TOPBP1: variants seen among roughly 807,000 people sequenced by gnomAD.
TOPBP1 encodes the protein DNA topoisomerase 2-binding protein 1.
Under a neutral mutation model 167.7 loss-of-function variants are expected in TOPBP1, and 28 were observed. That is an observed-to-expected ratio of 0.17 (90% CI 0.12 to 0.23). The LOEUF is 0.23. TOPBP1 is among the 10% of genes least tolerant of loss of function. TOPBP1 has a pLI of 1.00. For synonymous variants in TOPBP1, 598 were observed against 611.4 expected, an observed-to-expected ratio of 0.98 and a Z score of 0.32; for missense variants, 1,554 against 1,809.6, an observed-to-expected ratio of 0.86 and a Z score of 2.56.
chr3:133,657,441 G>C (rs1200462275), intron 4 of TOPBP1, among the ~76,000 whole-genome samples: 1 of 150,556 alleles, frequency 6.6e-6, no homozygotes, highest in Non-Finnish European at 1.5e-5. Context: ...CAGTGCAGTG[G>C]CGTGATGTTG....
At chr3:133,650,450 C>T (rs1182510057) in intron 8 of TOPBP1, among the ~76,000 whole-genome samples, 2 of 151,924 alleles carry the variant, frequency 1.3e-5, no homozygotes, top group Non-Finnish European at 2.9e-5. Context: ...AATCAATTTT[C>T]TTACCTATAA....
intron 27 of TOPBP1, 134 bp downstream of exon 27, chr3:133,608,392 ACTGAAAGGG>A: frequency 1.2e-6 from 1 of 863,860 alleles, no homozygotes; most frequent in Non-Finnish European, 1.7e-6. Flanking sequence ...ATAGAATAAA[ACTGAAAGGG>A]CTGGAATAGA....
rs552612760 is a variant in TOPBP1, at chr3:133,605,027, C to T, written c.4425+3508G>A. Among the ~76,000 whole-genome samples the T allele has an allele frequency of 2.0e-5, 3 of 151,776 alleles. No homozygotes were observed. The South Asian group carries it at 6.2e-4, about 32-fold the overall frequency. ...ACTTAAGCCCAGCATGGTGAAACCCCGTCTCTACCAAAAATACAAAAATTA... is the reference window on the plus strand; with the variant it reads ...ACTTAAGCCCAGCATGGTGAAACCCTGTCTCTACCAAAAATACAAAAATTA... On this transcript the variant is annotated intron_variant, in intron 27 of 27. Transcript: ENST00000260810.
intron 14 of TOPBP1, among the ~76,000 whole-genome samples, chr3:133,633,835 C>T (rs146948705): frequency 3.3e-5 from 5 of 152,262 alleles, no homozygotes; most frequent in Non-Finnish European, 7.4e-5. Context: ...TCTTTGCCTT[C>T]TCCTACTCTC....
rs2107829263 is a variant in TOPBP1, at chr3:133,652,558, A to C, written c.994T>G (p.Ser332Ala). Residue 332 changes from serine to alanine, a missense_variant, in exon 8 of 28, where the codon TCA becomes GCA. By Grantham distance (99) the Ser-to-Ala change is moderately conservative. This residue lies in a region of TOPBP1 where 1,197 missense variants were observed against 1,351.5 expected (regional missense o/e 0.89). Coordinates refer to ENST00000260810, the MANE Select transcript of TOPBP1 (RefSeq NM_007027.4). The part of the protein sequence containing the change: ...ASCVSESICN[S>A]LNSKLEPTLE... ...GTAGGCTCCAGTTTGCTGTTAAGTGAATTACATATTGATTCACTTACGCAA... is the reference window on the plus strand; with the variant it reads ...GTAGGCTCCAGTTTGCTGTTAAGTGCATTACATATTGATTCACTTACGCAA... 1.2e-6 allele frequency: 2 copies of C among 1,612,094 alleles called. No homozygotes were observed. Among genetic ancestry groups the C allele is most frequent in the Non-Finnish European group, 1.7e-6 (2 of 1,179,814 alleles).
At chr3:133,619,601 G>A (rs11710111) in intron 20 of TOPBP1, among the ~76,000 whole-genome samples, 21,364 of 151,958 alleles carry the variant, frequency 0.14, 1,843 homozygotes, top group Non-Finnish European at 0.2. Flanking sequence ...ATAACTTTAA[G>A]ATTTTACATA....
chr3:133,615,806 C>T lies in TOPBP1; in HGVS notation c.3871+1008G>A, dbSNP rs1051012206. On this transcript the variant is annotated intron_variant, in intron 23 of 27. Coordinates refer to ENST00000260810, the MANE Select transcript of TOPBP1 (RefSeq NM_007027.4). ...TTTTTATTTTTGAGATGGGGTCTCA[C>T]TATGTTGCCAGGCTGGTCTTGAATT... 5.8e-5 allele frequency among the ~76,000 whole-genome samples: 8 copies of T among 137,400 alleles called. 1 individual carries two copies. The highest frequency in any genetic ancestry group is 1.9e-4 in the East Asian group (1 of 5,158). 90.1% of individuals were successfully genotyped at this position (137,400 alleles called of 152,430 possible).
At chr3:133,601,508 A>G in intron 27 of TOPBP1, 115 bp from the exon 28 acceptor site, 2 of 820,262 alleles carry the variant, frequency 2.4e-6, no homozygotes, top group Non-Finnish European at 3.6e-6. Flanking sequence ...ACAAACTTAA[A>G]GGAAAACGCA....
intron 19 of TOPBP1, 141 bp downstream of exon 19, chr3:133,622,950 C>G (rs1240013107): frequency 5.7e-6 from 3 of 527,784 alleles, no homozygotes; most frequent in East Asian, 3.1e-5. Flanking sequence ...CAGCTGGGTG[C>G]AGTGGCTCAC....
intron 23 of TOPBP1, among the ~76,000 whole-genome samples, chr3:133,614,999 A>T (rs11718255): frequency 0.14 from 21,150 of 151,710 alleles, 1,829 homozygotes; most frequent in Non-Finnish European, 0.2. Flanking sequence ...AAAATAAAAA[A>T]AAATAAAGCT....
intron 16 of TOPBP1, among the ~76,000 whole-genome samples, chr3:133,627,674 T>C (rs1412959881): frequency 1.3e-5 from 2 of 152,174 alleles, no homozygotes; most frequent in East Asian, 3.8e-4. Flanking sequence ...ATTCTTATGA[T>C]ATCTATGAAT....
intron 23 of TOPBP1, among the ~76,000 whole-genome samples, chr3:133,613,020 C>T (rs1934734334): frequency 6.6e-6 from 1 of 152,056 alleles, no homozygotes; most frequent in African/African-American, 2.4e-5. Flanking sequence ...CCACTATGGC[C>T]TGGCTAATTT....
At chr3:133,613,494 T>G (rs549869409) in intron 23 of TOPBP1, among the ~76,000 whole-genome samples, 1 of 152,300 alleles carries the variant, frequency 6.6e-6, no homozygotes, top group South Asian at 2.1e-4. Context: ...GGAAGTAAGA[T>G]AGGGGCATCT....
rs370706726 is a variant in TOPBP1 at position 133,612,395 on chromosome 3, G to A, written c.4029C>T (p.Phe1343=). 25 of 1,613,720 alleles carry A rather than the reference G, an allele frequency of 1.5e-5. No individual in the cohort carries two copies. Among genetic ancestry groups the A allele is most frequent in the Non-Finnish European group, 1.9e-5 (22 of 1,179,784 alleles). ...YLEACRTAGH[F]VQEEDYEWGS... Reference sequence around the variant, plus strand: ...CACAAATCTGAATACACACCTGCACGAAGTGTCCAGCAGTCCTGCAGGCTT... The same window carrying A: ...CACAAATCTGAATACACACCTGCACAAAGTGTCCAGCAGTCCTGCAGGCTT... Residue 1343 remains phenylalanine, a synonymous_variant, in exon 24 of 28, where the codon TTC becomes TTT. Coordinates refer to ENST00000260810, the MANE Select transcript of TOPBP1 (RefSeq NM_007027.4).
chr3:133,621,442 C>A (rs761210463), intron 19 of TOPBP1, among the ~76,000 whole-genome samples: 4 of 152,052 alleles, frequency 2.6e-5, no homozygotes, highest in Non-Finnish European at 5.9e-5. Context: ...AAAAATATCA[C>A]AATTAAAAGT....
At chr3:133,628,934 A>C (rs1166644200) in intron 14 of TOPBP1, among the ~76,000 whole-genome samples, 2 of 152,222 alleles carry the variant, frequency 1.3e-5, no homozygotes, top group Non-Finnish European at 2.9e-5. Flanking sequence ...AACTATAATC[A>C]AATCCATATA....
At chr3:133,636,942 T>C (rs1935697047) in intron 14 of TOPBP1, among the ~76,000 whole-genome samples, 1 of 152,176 alleles carries the variant, frequency 6.6e-6, no homozygotes. Context: ...ATTTTGAGTT[T>C]AATAGTAAAG....
rs1174629665 is a variant in TOPBP1 at position 133,611,048 on chromosome 3, A to G, written c.4129T>C (p.Trp1377Arg). Residue 1377 changes from tryptophan (W) to arginine (R), a missense_variant, in exon 25 of 28, where the codon TGG becomes CGG. Physicochemically the swap from Trp to Arg is moderately radical, Grantham distance 101. Around this residue, in one of 3 missense-constraint regions of TOPBP1, gnomAD observed 351 missense variants for 432.9 expected, o/e 0.81. Transcript: ENST00000260810. ...QRRLALAAMR[W>R]RKKIQQRQES... ...TGTCTTTGCTGGATTTTTTTTCTCC[A>G]TCTCATTGCTGCAAGTGCTAGTCTT... is the stretch of plus-strand genomic sequence containing the variant. 6.2e-7 allele frequency: 1 copy of G among 1,612,974 alleles called. No homozygotes were observed. The highest frequency in any genetic ancestry group is 2.2e-5 in the East Asian group (1 of 44,810).
chr3:133,624,192 A>G lies in TOPBP1; in HGVS notation c.2805-17T>C, dbSNP rs547031722. 17 of 1,608,432 alleles carry G rather than the reference A, an allele frequency of 1.1e-5. No homozygotes were observed. In the South Asian group the frequency reaches 1.8e-4, roughly 17 times the overall value. On this transcript the variant is annotated splice_polypyrimidine_tract_variant and intron_variant, in intron 16 of 27. Coordinates refer to ENST00000260810, the MANE Select transcript of TOPBP1 (RefSeq NM_007027.4). The stretch of plus-strand genomic sequence containing the variant: ...AAACTCCACCTGAAATAACCAATAC[A>G]AAAAAACAAATAACCAAGAGAAACA...
Sources: allele counts gnomAD v4.1 joint callset (sites outside exome capture counted in the v4.1 genomes callset), GRCh38; gene constraint gnomAD v4.1.1; regional missense constraint gnomAD v4.1.1; transcripts MANE v1.5; gene names NCBI Gene and HGNC (gene_info 2026-07-23, HGNC 2026-07-21).